Variants in DSCAM observed in about 807,000 individuals in gnomAD.
The protein encoded by DSCAM is DS cell adhesion molecule.
DSCAM carries 47 observed loss-of-function variants against 217.7 expected under a neutral mutation model. The ratio of observed to expected loss-of-function variants is 0.22; its 90% CI spans 0.17 to 0.28. DSCAM has a LOEUF of 0.28. Ranked by LOEUF, DSCAM falls within the 10% of genes least tolerant of loss-of-function variation. The probability of loss-of-function intolerance (pLI) is 1.00; values close to 1 mark genes in which losing one functional copy is unlikely to be tolerated. For missense variants in DSCAM, 2,080 were observed against 2,618.3 expected, an observed-to-expected ratio of 0.79 and a Z score of 4.49; for synonymous variants, 1,056 against 1,015.3, an observed-to-expected ratio of 1.04 and a Z score of -0.76.
chr21:40,787,525 T>C (rs926902530), intron 1 of DSCAM, among the ~76,000 whole-genome samples: 3 of 152,218 alleles, frequency 2.0e-5, no homozygotes, highest in Non-Finnish European at 4.4e-5. Flanking sequence ...TATCTTGCAT[T>C]GTTTACAATT....
chr21:40,251,155 C>A lies in DSCAM; in HGVS notation c.2356+24942G>T, dbSNP rs28550245. On this transcript the variant is annotated intron_variant, in intron 11 of 32. Transcript: ENST00000400454. ...CTGTAAGGGACCAGAGTCAAATGGG[C>A]CATCGAGGGCTGGCTACACAGTTAC... is the stretch of plus-strand genomic sequence containing the variant. Among the ~76,000 whole-genome samples, 590 of 152,286 alleles carry A rather than the reference C, an allele frequency of 3.9e-3. 2 individuals are homozygous for A. Among genetic ancestry groups the A allele is most frequent in the African/African-American group, 0.013 (536 of 41,544 alleles).
At chr21:40,457,814 T>C (rs1031322856) in intron 3 of DSCAM, among the ~76,000 whole-genome samples, 3 of 152,112 alleles carry the variant, frequency 2.0e-5, no homozygotes, top group African/African-American at 7.2e-5. Context: ...TTTACAAATA[T>C]CAAATATTAA....
chr21:40,817,977 T>A (rs2091895225), intron 1 of DSCAM, among the ~76,000 whole-genome samples: 3 of 150,452 alleles, frequency 2.0e-5, no homozygotes, highest in Non-Finnish European at 4.4e-5. Context: ...GCGCCTGTAG[T>A]CCCAGCTACT....
intron 19 of DSCAM, among the ~76,000 whole-genome samples, chr21:40,130,339 C>T (rs538630325): frequency 3.3e-5 from 5 of 152,130 alleles, no homozygotes; most frequent in Non-Finnish European, 7.3e-5. Context: ...ATCACCAAGT[C>T]GTCCTTCGTG....
chr21:40,550,838 AG>A lies in DSCAM; in HGVS notation c.508+141971del, dbSNP rs1049789720. On this transcript the variant is annotated intron_variant, in intron 3 of 32. Transcript: ENST00000400454. ...GAAAAAGGAAAGTGAGGTAGACAAA[AG>A]GGACGAGAGGCACAGAAACAGCAGG... is the stretch of plus-strand genomic sequence containing the variant. 2.6e-4 allele frequency among the ~76,000 whole-genome samples: 39 copies of A among 152,302 alleles called. 1 individual carries two copies. Among genetic ancestry groups the A allele is most frequent in the African/African-American group, 8.2e-4 (34 of 41,570 alleles).
At chr21:40,350,759 A>G (rs1569078760) in intron 5 of DSCAM, among the ~76,000 whole-genome samples, 3 of 151,900 alleles carry the variant, frequency 2.0e-5, no homozygotes, top group African/African-American at 7.2e-5. Flanking sequence ...GGCAGGGAGC[A>G]GGGGCATGTC....
At chr21:40,575,871 C>T (rs1391765745) in intron 3 of DSCAM, among the ~76,000 whole-genome samples, 1 of 151,878 alleles carries the variant, frequency 6.6e-6, no homozygotes, top group African/African-American at 2.4e-5. Context: ...AGACATATCA[C>T]GTCCAATGAG....
intron 3 of DSCAM, among the ~76,000 whole-genome samples, chr21:40,455,852 A>T (rs2075759179): frequency 6.6e-6 from 1 of 152,102 alleles, no homozygotes; most frequent in Non-Finnish European, 1.5e-5. Flanking sequence ...GATAGATGAT[A>T]AATAGATAGA....
At chr21:40,193,375 G>A (rs761189682) in intron 11 of DSCAM, among the ~76,000 whole-genome samples, 95 of 152,200 alleles carry the variant, frequency 6.2e-4, no homozygotes, top group Non-Finnish European at 1.1e-3. Flanking sequence ...GCTAACTCAA[G>A]ATAATTAGAG....
chr21:40,266,635 T>TTTTATATATATATA (rs1233684162), intron 11 of DSCAM, among the ~76,000 whole-genome samples: 2 of 62,628 alleles, frequency 3.2e-5, no homozygotes, highest in Non-Finnish European at 5.4e-5. Flanking sequence ...CAAAGATGTT[T>TTTTATATATATATA]TATATATATA....
At chr21:40,315,497 G>T (rs191508561) in intron 8 of DSCAM, among the ~76,000 whole-genome samples, 10 of 152,124 alleles carry the variant, frequency 6.6e-5, no homozygotes, top group Admixed American at 6.5e-4. Context: ...TAGAATACAG[G>T]AAATATATGC....
At chr21:40,328,457 C>A (rs1734283092) in intron 8 of DSCAM, among the ~76,000 whole-genome samples, 1 of 152,060 alleles carries the variant, frequency 6.6e-6, no homozygotes, top group African/African-American at 2.4e-5. Flanking sequence ...TTTATGATGT[C>A]TCTAATGCCA....
chr21:40,378,458 T>A (rs1377251916), intron 3 of DSCAM, among the ~76,000 whole-genome samples: 1 of 152,014 alleles, frequency 6.6e-6, no homozygotes, highest in Non-Finnish European at 1.5e-5. Flanking sequence ...CAATCCCTCT[T>A]GCAACGTCAA....
chr21:40,686,390 C>T (rs907128210), intron 3 of DSCAM, among the ~76,000 whole-genome samples: 1 of 151,676 alleles, frequency 6.6e-6, no homozygotes, highest in South Asian at 2.1e-4. Flanking sequence ...TACAAACACA[C>T]ATCATGCACC....
rs1395653299 is a variant in DSCAM at position 40,789,798 on chromosome 21, G to A, written c.43+56821C>T. On this transcript the variant is annotated intron_variant, in intron 1 of 32. Coordinates refer to ENST00000400454, the MANE Select transcript of DSCAM (RefSeq NM_001389.5). ...TCTCGATCTCCTGACCTCGTGATCC[G>A]CCTGCCTCGGCCTCCCAAAGTGCTG... Among the ~76,000 whole-genome samples, 5 of 152,014 alleles carry A rather than the reference G, an allele frequency of 3.3e-5. No homozygotes were observed. The South Asian group carries it at 8.3e-4, about 25-fold the overall frequency.
At chr21:40,376,538 G>GATATCTATATATCTTATATCGATATCT (rs1491431572) in intron 3 of DSCAM, among the ~76,000 whole-genome samples, 1 of 54,442 alleles carries the variant, frequency 1.8e-5, no homozygotes, top group African/African-American at 1.0e-4. Flanking sequence ...TATAGATATC[G>GATATCTATATATCTTATATCGATATCT]ATATATCTTA....
intron 11 of DSCAM, among the ~76,000 whole-genome samples, chr21:40,208,030 G>A (rs758146172): frequency 3.3e-5 from 5 of 152,100 alleles, no homozygotes; most frequent in Admixed American, 6.5e-5. Context: ...TTCAACATGC[G>A]AATTTTAGGG....
At chr21:40,547,233 C>T (rs984895201) in intron 3 of DSCAM, among the ~76,000 whole-genome samples, 10 of 152,152 alleles carry the variant, frequency 6.6e-5, no homozygotes, top group African/African-American at 2.2e-4. Flanking sequence ...CCATTTTTCT[C>T]CACACTCCCA....
chr21:40,299,784 C>T (rs1442727148), intron 9 of DSCAM, among the ~76,000 whole-genome samples: 1 of 152,008 alleles, frequency 6.6e-6, no homozygotes, highest in South Asian at 2.1e-4. Context: ...ACAAAGTTCC[C>T]AATTTTTTAA....
Sources: allele counts gnomAD v4.1 joint callset (sites outside exome capture counted in the v4.1 genomes callset), GRCh38; gene constraint gnomAD v4.1.1; transcripts MANE v1.5; gene names NCBI Gene and HGNC (gene_info 2026-07-23, HGNC 2026-07-21).